FGD4: variants seen among roughly 807,000 people sequenced by gnomAD.
FGD4 encodes FYVE, RhoGEF and PH domain-containing protein 4.
Under a neutral mutation model 102.0 loss-of-function variants are expected in FGD4, and 42 were observed. The observed-to-expected ratio is 0.41, with a 90% CI of 0.32 to 0.53. The LOEUF is 0.53. Among genes scored for constraint, FGD4 ranks in the 20% least tolerant of loss-of-function variants. FGD4 has a pLI of 0.21. For synonymous variants in FGD4, 380 were observed against 375.7 expected (o/e 1.01, Z -0.13); for missense variants, 902 against 1,078.2 (o/e 0.84, Z 2.29).
At chr12:32,552,944 ATTTTTTTTTT>A (rs71068326) in intron 1 of FGD4, among the ~76,000 whole-genome samples, 7 of 123,898 alleles carry the variant, frequency 5.6e-5, no homozygotes, top group African/African-American at 2.2e-4. Context: ...CGCCTGGCTA[ATTTTTTTTTT>A]TTTTTTTTTT....
At chr12:32,608,668 A>G (rs982627864) in intron 8 of FGD4, among the ~76,000 whole-genome samples, 6 of 152,228 alleles carry the variant, frequency 3.9e-5, no homozygotes, top group Non-Finnish European at 7.3e-5. Flanking sequence ...ATGAGTTTCA[A>G]TAATACTTTA....
chr12:32,425,999 T>C lies in FGD4; in HGVS notation c.166+26040T>C, dbSNP rs148383439. On this transcript the variant is annotated intron_variant, in intron 1 of 16. Transcript: ENST00000534526. ...TGGGTTTTCTAAATATACAATCATG[T>C]CATGTGCAAACAGAGACAATTTGAC... 4.6e-3 allele frequency among the ~76,000 whole-genome samples: 701 copies of C among 152,330 alleles called. 11 individuals are homozygous for C. The highest frequency in any genetic ancestry group is 0.016 in the African/African-American group (657 of 41,582).
At chr12:32,633,406 A>G in intron 14 of FGD4, 143 bp from the exon 15 acceptor site, 1 of 796,666 alleles carries the variant, frequency 1.3e-6, no homozygotes, top group African/African-American at 1.7e-5. Context: ...ATGTACTTCT[A>G]GTGTTTATAG....
At chr12:32,621,592 G>A (rs1464833976) in intron 11 of FGD4, among the ~76,000 whole-genome samples, 1 of 152,204 alleles carries the variant, frequency 6.6e-6, no homozygotes, top group Non-Finnish European at 1.5e-5. Flanking sequence ...TGTGCCCAGG[G>A]AGTCCAAGAA....
At chr12:32,624,491 T>TTC in intron 12 of FGD4, 39 bp downstream of exon 12, 1 of 1,541,910 alleles carries the variant, frequency 6.5e-7, no homozygotes. Flanking sequence ...TCTTTTTTTT[T>TTC]TTGAGGCAGA....
At chr12:32,468,024 T>A (rs969241495) in intron 1 of FGD4, among the ~76,000 whole-genome samples, 17 of 151,392 alleles carry the variant, frequency 1.1e-4, no homozygotes, top group East Asian at 3.9e-4. Flanking sequence ...TCAAAAAAAA[T>A]TTTTTTTAAT....
intron 1 of FGD4, among the ~76,000 whole-genome samples, chr12:32,459,280 A>G (rs1014276880): frequency 3.7e-5 from 5 of 136,488 alleles, no homozygotes; most frequent in Non-Finnish European, 6.1e-5. Context: ...TGCAACCTCC[A>G]CCTCCCAGGT....
At chr12:32,474,535 A>G (rs1943535684) in intron 1 of FGD4, among the ~76,000 whole-genome samples, 1 of 152,198 alleles carries the variant, frequency 6.6e-6, no homozygotes, top group African/African-American at 2.4e-5. Flanking sequence ...TGTCCCAAAG[A>G]GCCAAATCTA....
At chr12:32,439,572 A>G (rs1942357253) in intron 1 of FGD4, among the ~76,000 whole-genome samples, 1 of 152,198 alleles carries the variant, frequency 6.6e-6, no homozygotes, top group Non-Finnish European at 1.5e-5. Context: ...ACTAATTTAC[A>G]TTACTAGCAG....
At chr12:32,411,480 G>A (rs1941205520) in intron 1 of FGD4, among the ~76,000 whole-genome samples, 1 of 151,560 alleles carries the variant, frequency 6.6e-6, no homozygotes, top group Non-Finnish European at 1.5e-5. Flanking sequence ...GTTGCGGTGA[G>A]GCGAGATCGC....
chr12:32,499,058 A>G (rs542301195), intron 1 of FGD4, among the ~76,000 whole-genome samples: 1 of 152,370 alleles, frequency 6.6e-6, no homozygotes, highest in South Asian at 2.1e-4. Flanking sequence ...GGAAAGAGAA[A>G]GGAGGAGTAA....
chr12:32,592,824 A>G (rs1484205015), intron 4 of FGD4, among the ~76,000 whole-genome samples: 1 of 152,210 alleles, frequency 6.6e-6, no homozygotes, highest in Non-Finnish European at 1.5e-5. Context: ...AATTACTAAA[A>G]TGCTGAAAAG....
rs914582315 is a variant in FGD4, at chr12:32,643,127, C to T, written c.*2594C>T. On this transcript the variant is annotated 3_prime_UTR_variant, in exon 17 of 17. Transcript: ENST00000534526. ...GACAAAATTTCTATTCATTATAAAA[C>T]ATTTCAATATTTTAAGCTTAAATTT... The T allele has an allele frequency of 2.4e-4, 36 of 152,494 alleles. No individual in the cohort carries two copies. Among genetic ancestry groups the T allele is most frequent in the African/African-American group, 8.7e-4 (36 of 41,444 alleles). The allele number at this position is 152,494 out of a possible 1,614,324, so 9.4% of individuals were successfully genotyped here.
chr12:32,433,574 T>A (rs561003756), intron 1 of FGD4, among the ~76,000 whole-genome samples: 2 of 152,046 alleles, frequency 1.3e-5, no homozygotes, highest in South Asian at 4.2e-4. Context: ...TGACCTCAGG[T>A]GATCCGCCCA....
Position 32,640,533 on chromosome 12 carries a change from A to T in FGD4, c.2712A>T (p.Ter904CysextTer52). The T allele has an allele frequency of 6.2e-7, 1 of 1,613,670 alleles. No individual in the cohort carries two copies. The change falls in exon 17 of 17, where the codon TGA (stop) becomes TGT (cysteine). Residue 904 changes from the stop codon to cysteine (C), a stop_lost. Coordinates refer to ENST00000534526, the MANE Select transcript of FGD4 (RefSeq NM_001370298.3). ...AACCTAAGAAAAAATCAGAATGCTG[A>T]ACTCCTCCAGGACCAGCCATGGTGT... ...HPEPKKKSEC* is the reference protein window; with the variant it reads ...HPEPKKKSECC
intron 1 of FGD4, among the ~76,000 whole-genome samples, chr12:32,563,748 C>T (rs1418911202): frequency 2.6e-5 from 4 of 152,180 alleles, no homozygotes; most frequent in Non-Finnish European, 5.9e-5. Flanking sequence ...TCTGCAATCC[C>T]GGCACCTCGG....
chr12:32,535,276 A>C (rs1295764522), intron 1 of FGD4, among the ~76,000 whole-genome samples: 2 of 152,204 alleles, frequency 1.3e-5, no homozygotes, highest in Non-Finnish European at 2.9e-5. Flanking sequence ...CTGCTGAACA[A>C]GATAAACTAC....
intron 1 of FGD4, among the ~76,000 whole-genome samples, chr12:32,413,669 C>T (rs1048801933): frequency 2.6e-5 from 4 of 152,178 alleles, no homozygotes; most frequent in African/African-American, 7.2e-5. Context: ...CCTGCTGACA[C>T]AATCTGGAAG....
At chr12:32,490,475 C>T (rs1410237586) in intron 1 of FGD4, among the ~76,000 whole-genome samples, 1 of 148,696 alleles carries the variant, frequency 6.7e-6, no homozygotes, top group East Asian at 2.0e-4. Context: ...CGGCTCACTG[C>T]AACCTCCACC....
Sources: allele counts gnomAD v4.1 joint callset (sites outside exome capture counted in the v4.1 genomes callset), GRCh38; gene constraint gnomAD v4.1.1; transcripts MANE v1.5; gene names NCBI Gene and HGNC (gene_info 2026-07-23, HGNC 2026-07-21).